EXOC6B: variants seen among roughly 807,000 people sequenced by gnomAD.
EXOC6B encodes SEC15 homolog B.
Under a neutral mutation model 113.5 loss-of-function variants are expected in EXOC6B, and 54 were observed. The observed-to-expected ratio is 0.48, with a 90% CI of 0.38 to 0.60. The LOEUF is 0.60. Ranked by LOEUF, EXOC6B falls within the 20% of genes least tolerant of loss-of-function variation. The probability of loss-of-function intolerance (pLI) is 0.00; values close to 1 mark genes in which losing one functional copy is unlikely to be tolerated. For missense variants in EXOC6B, 797 were observed against 977.5 expected (o/e 0.82, Z 2.46); for synonymous variants, 357 against 339.0 (o/e 1.05, Z -0.58).
At chr2:72,466,747 A>G (rs1237201416) in intron 17 of EXOC6B, among the ~76,000 whole-genome samples, 3 of 152,206 alleles carry the variant, frequency 2.0e-5, no homozygotes, top group Non-Finnish European at 4.4e-5. Context: ...AATTGAGCTA[A>G]GTTGGATGCA....
At chr2:72,551,162 TGAGTCACCACTG>T (rs1299191771) in intron 8 of EXOC6B, among the ~76,000 whole-genome samples, 2 of 152,272 alleles carry the variant, frequency 1.3e-5, no homozygotes, top group Admixed American at 6.5e-5. Flanking sequence ...TCAATACTCA[TGAGTCACCACTG>T]GAGTTCACTT....
chr2:72,553,865 G>A (rs1004992454), intron 8 of EXOC6B, among the ~76,000 whole-genome samples: 1 of 152,026 alleles, frequency 6.6e-6, no homozygotes, highest in Non-Finnish European at 1.5e-5. Flanking sequence ...AAAAGTATAA[G>A]ACATCAATTT....
At chr2:72,401,000 T>C (rs1033725984) in intron 18 of EXOC6B, among the ~76,000 whole-genome samples, 2 of 151,996 alleles carry the variant, frequency 1.3e-5, no homozygotes, top group African/African-American at 4.8e-5. Flanking sequence ...CATATATTTA[T>C]CACAGCACTA....
chr2:72,472,826 C>A (rs1018840699), intron 17 of EXOC6B, among the ~76,000 whole-genome samples: 2 of 152,126 alleles, frequency 1.3e-5, no homozygotes, highest in African/African-American at 4.8e-5. Context: ...TTGCTATGAA[C>A]TTCCCTTTTA....
chr2:72,353,043 G>C (rs187630265), intron 19 of EXOC6B, among the ~76,000 whole-genome samples: 3 of 152,200 alleles, frequency 2.0e-5, no homozygotes, highest in East Asian at 3.9e-4. Context: ...GGGAGATTGG[G>C]GCATACTATG....
At chr2:72,313,384 A>T (rs1447124704) in intron 20 of EXOC6B, among the ~76,000 whole-genome samples, 3 of 152,192 alleles carry the variant, frequency 2.0e-5, no homozygotes, top group Non-Finnish European at 4.4e-5. Flanking sequence ...AATAAAAGTT[A>T]AAAAAATTCA....
chr2:72,535,421 T>G (rs931334710), intron 8 of EXOC6B, among the ~76,000 whole-genome samples: 3 of 152,184 alleles, frequency 2.0e-5, no homozygotes, highest in African/African-American at 7.2e-5. Flanking sequence ...TTAGGGATAT[T>G]AGAGGGGTAC....
chr2:72,414,784 G>C (rs1477268885), intron 18 of EXOC6B, among the ~76,000 whole-genome samples: 2 of 152,180 alleles, frequency 1.3e-5, no homozygotes, highest in Non-Finnish European at 2.9e-5. Context: ...CACTGAAAGG[G>C]CTTGGCTCTG....
At position 72,664,990 on chromosome 2, in the gene EXOC6B, C is replaced by T. The variant is rs113942643; in HGVS notation, c.669+53113G>A. Among the ~76,000 whole-genome samples, 23 of 152,308 alleles carry T rather than the reference C, an allele frequency of 1.5e-4. 2 individuals carry two copies. Among genetic ancestry groups the T allele is most frequent in the African/African-American group, 4.6e-4 (19 of 41,574 alleles). ...TGTGAAGCTAAGATCTGTGGCCAAT[C>T]CTTGAGCAGGGAAGGAGCTCCCACT... On this transcript the variant is annotated intron_variant, in intron 6 of 21. Coordinates refer to ENST00000272427, the MANE Select transcript of EXOC6B (RefSeq NM_015189.3).
At chr2:72,717,294 C>T (rs1679677720) in intron 6 of EXOC6B, among the ~76,000 whole-genome samples, 1 of 152,136 alleles carries the variant, frequency 6.6e-6, no homozygotes, top group Non-Finnish European at 1.5e-5. Context: ...AATCTATTCC[C>T]TCATTCCTCA....
At chr2:72,801,082 C>T (rs1685249355) in intron 1 of EXOC6B, among the ~76,000 whole-genome samples, 1 of 152,158 alleles carries the variant, frequency 6.6e-6, no homozygotes, top group Non-Finnish European at 1.5e-5. Flanking sequence ...AGAACTGTGA[C>T]AGATACAAAA....
intron 18 of EXOC6B, among the ~76,000 whole-genome samples, chr2:72,426,853 C>A (rs1269244030): frequency 6.6e-6 from 1 of 152,264 alleles, no homozygotes; most frequent in Non-Finnish European, 1.5e-5. Flanking sequence ...GCTGCTACCA[C>A]TCCAGCTGCA....
chr2:72,182,813 T>G (rs1481752470), intron 21 of EXOC6B: 3 of 972,854 alleles, frequency 3.1e-6, no homozygotes, highest in East Asian at 6.6e-5. Context: ...GGGATTTTAG[T>G]GTAGTCATTA....
intron 20 of EXOC6B, among the ~76,000 whole-genome samples, chr2:72,206,245 G>A (rs751544342): frequency 3.3e-5 from 5 of 152,142 alleles, no homozygotes; most frequent in African/African-American, 4.8e-5. Flanking sequence ...AGTCAGAATC[G>A]GAAACCAGGT....
intron 17 of EXOC6B, among the ~76,000 whole-genome samples, chr2:72,474,029 A>G (rs1054499032): frequency 6.6e-6 from 1 of 151,308 alleles, no homozygotes; most frequent in African/African-American, 2.4e-5. Context: ...TTCGCTGGAT[A>G]TAGTATGTTT....
chr2:72,212,928 TG>T (rs2104391611), intron 20 of EXOC6B, among the ~76,000 whole-genome samples: 1 of 152,340 alleles, frequency 6.6e-6, no homozygotes, highest in South Asian at 2.1e-4. Context: ...AAAATAACAC[TG>T]TCACTTTCCC....
chr2:72,365,453 G>A (rs950959619), intron 19 of EXOC6B, among the ~76,000 whole-genome samples: 2 of 152,132 alleles, frequency 1.3e-5, no homozygotes, highest in Non-Finnish European at 2.9e-5. Flanking sequence ...GATACTGAGA[G>A]CAGGAGAGCA....
chr2:72,817,259 C>T (rs1410894680), intron 1 of EXOC6B, among the ~76,000 whole-genome samples: 1 of 152,082 alleles, frequency 6.6e-6, no homozygotes, highest in African/African-American at 2.4e-5. Context: ...GAATGACAGG[C>T]TTTTTAAAAA....
At chr2:72,806,874 G>C (rs1383182235) in intron 1 of EXOC6B, among the ~76,000 whole-genome samples, 1 of 151,916 alleles carries the variant, frequency 6.6e-6, no homozygotes, top group East Asian at 1.9e-4. Context: ...TTTTGAATGG[G>C]GTTTTGCTTT....
Sources: gnomAD v4.1 joint callset for allele counts (sites outside exome capture counted in the v4.1 genomes callset) on GRCh38, gnomAD v4.1.1 for gene constraint, MANE v1.5 for transcripts, NCBI Gene and HGNC (gene_info 2026-07-23, HGNC 2026-07-21) for gene names.